Variants in LYRM4 observed in about 807,000 individuals in gnomAD.
The protein encoded by LYRM4 is LYR motif-containing protein 4.
LYRM4 carries 9 observed loss-of-function variants against 11.7 expected under a neutral mutation model. That is an observed-to-expected ratio of 0.77 (90% confidence interval 0.46 to 1.34). The LOEUF (loss-of-function observed/expected upper bound fraction) is 1.34. LYRM4 is among the 40% of genes most tolerant of loss of function. The pLI is 0.00. For synonymous variants in LYRM4, 42 were observed against 40.4 expected (o/e 1.04, Z -0.15); for missense variants, 133 against 112.5 (o/e 1.18, Z -0.82).
chr6:5,090,778 G>A, the LYRM4 span, among the ~76,000 whole-genome samples: 4 of 152,068 alleles, frequency 2.6e-5, no homozygotes, highest in Non-Finnish European at 4.4e-5. The surrounding 1 kb of genome is among the most constrained non-coding windows in gnomAD (Gnocchi z 4.8). Context: ...CATTAGTGTC[G>A]GATTCTTCAT....
chr6:5,083,087 G>A, the LYRM4 span, among the ~76,000 whole-genome samples: 2 of 152,088 alleles, frequency 1.3e-5, no homozygotes, highest in East Asian at 3.9e-4. Flanking sequence ...AGGGTGGGCC[G>A]GGGCTGGGAC....
At chr6:5,057,373 A>C in the LYRM4 span, among the ~76,000 whole-genome samples, 1 of 152,132 alleles carries the variant, frequency 6.6e-6, no homozygotes, top group African/African-American at 2.4e-5. Flanking sequence ...TTTGGGACAA[A>C]AGAGACCAGG....
intron 1 of LYRM4, among the ~76,000 whole-genome samples, chr6:5,229,457 G>A (rs1763103068): frequency 6.6e-6 from 1 of 152,094 alleles, no homozygotes; most frequent in African/African-American, 2.4e-5. Flanking sequence ...TTGACAGATG[G>A]GTGCAACATA....
At chr6:5,189,760 TA>T (rs1760648446) in intron 2 of LYRM4, among the ~76,000 whole-genome samples, 1 of 152,220 alleles carries the variant, frequency 6.6e-6, no homozygotes, top group Non-Finnish European at 1.5e-5. Context: ...CAAAGGTGGC[TA>T]AATCACCTGT....
rs572305905 is a variant in LYRM4 at position 5,224,487 on chromosome 6, T to C, written c.87-7749A>G. On this transcript the variant is annotated intron_variant, in intron 1 of 2. Transcript: ENST00000330636. ...TACTAATGGATGGATACTGATGTTC[T>C]TAATATTTTACCCAGTAATCCTACT... Among the ~76,000 whole-genome samples, 13 of 152,368 alleles carry C rather than the reference T, an allele frequency of 8.5e-5. No homozygotes were observed. In the South Asian group the frequency reaches 2.7e-3, roughly 32 times the overall value.
intron 2 of LYRM4, among the ~76,000 whole-genome samples, chr6:5,193,784 G>A (rs750452169): frequency 2.6e-5 from 4 of 152,092 alleles, no homozygotes; most frequent in African/African-American, 7.2e-5. Flanking sequence ...AAAGCATGAC[G>A]CAGCCAGGAC....
chr6:5,147,957 T>C (rs2127634530), intron 2 of LYRM4, among the ~76,000 whole-genome samples: 1 of 152,322 alleles, frequency 6.6e-6, no homozygotes, highest in Non-Finnish European at 1.5e-5. Context: ...ACTGGTTCTC[T>C]CCACATGGAG....
At chr6:5,062,116 G>C in the LYRM4 span, among the ~76,000 whole-genome samples, 2 of 119,606 alleles carry the variant, frequency 1.7e-5, no homozygotes, top group South Asian at 2.6e-4. Flanking sequence ...ATAGGGTCTC[G>C]CTCTGTTGCC....
At position 5,109,341 on chromosome 6, in the gene LYRM4, G is replaced by T; in HGVS notation, c.*82C>A. ...GCAGCGCAAAAGGCTATTGTAAGCT[G>T]GTTTTGGGAGCCCCCATCTCAAACA... is the stretch of plus-strand genomic sequence containing the variant. On this transcript the variant is annotated 3_prime_UTR_variant, in exon 3 of 3. Coordinates refer to ENST00000330636, the MANE Select transcript of LYRM4 (RefSeq NM_020408.6). 1 of 1,601,846 alleles carries T rather than the reference G, an allele frequency of 6.2e-7. No individual in the cohort carries two copies. The highest frequency in any genetic ancestry group is 8.5e-7 in the Non-Finnish European group (1 of 1,171,006).
chr6:5,219,724 TCTTTG>T (rs1468989448), intron 1 of LYRM4, among the ~76,000 whole-genome samples: 1 of 152,116 alleles, frequency 6.6e-6, no homozygotes, highest in African/African-American at 2.4e-5. Flanking sequence ...TTTTCTTTTT[TCTTTG>T]CTTTTCTTTT....
intron 1 of LYRM4, 66 bp downstream of exon 1, chr6:5,260,582 C>T (rs1299587042): frequency 1.4e-6 from 2 of 1,392,794 alleles, no homozygotes; most frequent in Non-Finnish European, 1.9e-6. Context: ...TATTCCGCGT[C>T]AGCCCGCACC....
chr6:5,154,708 A>G (rs1581393960), intron 2 of LYRM4, among the ~76,000 whole-genome samples: 1 of 152,020 alleles, frequency 6.6e-6, no homozygotes, highest in South Asian at 2.1e-4. Flanking sequence ...AGTCCCAGCT[A>G]CTCGGGAGGC....
chr6:5,114,756 AAT>A (rs1763044007), intron 2 of LYRM4, among the ~76,000 whole-genome samples: 1 of 152,146 alleles, frequency 6.6e-6, no homozygotes, highest in African/African-American at 2.4e-5. Context: ...AAAAAAAAAA[AAT>A]CGCAAAAAAA....
intron 2 of LYRM4, among the ~76,000 whole-genome samples, chr6:5,173,955 A>G (rs1241739711): frequency 1.3e-5 from 2 of 152,080 alleles, no homozygotes; most frequent in Non-Finnish European, 2.9e-5. Flanking sequence ...GACACTGGAA[A>G]CTATAGACTG....
At chr6:5,085,491 G>C in the LYRM4 span, 1 of 1,534,952 alleles carries the variant, frequency 6.5e-7, no homozygotes, top group Non-Finnish European at 8.7e-7. Flanking sequence ...GCGTCATGGA[G>C]CCCATAGGGG....
Position 5,139,799 on chromosome 6 carries a change from G to A in LYRM4, c.208-30308C>T, listed in dbSNP as rs75693990. Among the ~76,000 whole-genome samples the A allele has an allele frequency of 3.6e-3, 548 of 151,424 alleles. 3 individuals are homozygous for A. Among genetic ancestry groups the A allele is most frequent in the African/African-American group, 0.013 (524 of 41,312 alleles). ...TTTTTTGCCTATAATTTTTCTTCCA[G>A]GCTGGGGCGTGGTGGGTCATGCCTG... On this transcript the variant is annotated intron_variant, in intron 2 of 2. Transcript: ENST00000330636.
intron 2 of LYRM4, among the ~76,000 whole-genome samples, chr6:5,150,390 C>A (rs1343388407): frequency 6.6e-6 from 1 of 152,180 alleles, no homozygotes; most frequent in Non-Finnish European, 1.5e-5. Context: ...CTTAGGCCAT[C>A]AGACCTGGGT....
chr6:5,198,817 C>T (rs1761219745), intron 2 of LYRM4, among the ~76,000 whole-genome samples: 1 of 152,198 alleles, frequency 6.6e-6, no homozygotes, highest in African/African-American at 2.4e-5. Context: ...GCCTTCTAAT[C>T]TAGATCTGGT....
chr6:5,057,385 C>T, the LYRM4 span, among the ~76,000 whole-genome samples: 61 of 152,254 alleles, frequency 4.0e-4, no homozygotes, highest in African/African-American at 1.1e-3. Flanking sequence ...GAGACCAGGA[C>T]GGAAGACACC....
Sources: gnomAD v4.1 joint callset for allele counts (sites outside exome capture counted in the v4.1 genomes callset) on GRCh38, gnomAD v4.1.1 for gene constraint, Gnocchi (gnomAD v3.1) non-coding constraint, MANE v1.5 for transcripts, NCBI Gene and HGNC (gene_info 2026-07-23, HGNC 2026-07-21) for gene names.